The following VEGFC variants were observed in gnomAD, a reference collection of about 807,000 sequenced individuals.
VEGFC encodes FLT4 ligand DHM.
A neutral mutation model predicts 46.1 loss-of-function variants in VEGFC; 12 were observed. That is an observed-to-expected ratio of 0.26 (90% confidence interval 0.17 to 0.42). The LOEUF (loss-of-function observed/expected upper bound fraction) is 0.42. Ranked by LOEUF, VEGFC falls within the 10% of genes least tolerant of loss-of-function variation. The pLI is 1.00. For missense variants in VEGFC, 488 were observed against 529.4 expected (o/e 0.92, Z 0.77); for synonymous variants, 232 against 195.5 (o/e 1.19, Z -1.56).
chr4:176,708,850 T>C (rs1734577152), intron 4 of VEGFC, among the ~76,000 whole-genome samples: 1 of 152,196 alleles, frequency 6.6e-6, no homozygotes, highest in South Asian at 2.1e-4. Context: ...ATGACTACCT[T>C]CTGGATACCA....
chr4:176,688,542 A>G (rs1489649577), intron 4 of VEGFC, among the ~76,000 whole-genome samples: 3 of 152,060 alleles, frequency 2.0e-5, no homozygotes, highest in Non-Finnish European at 4.4e-5. Flanking sequence ...AAAAGTTATC[A>G]AAGATATTTT....
chr4:176,788,873 G>A (rs7669839), intron 1 of VEGFC, among the ~76,000 whole-genome samples: 107,714 of 152,152 alleles, frequency 0.71, 44,125 homozygotes, highest in East Asian at 0.99. Context: ...AAGTCATTCA[G>A]ATCTTGGGTT....
At chr4:176,709,524 A>G (rs1734586960) in intron 4 of VEGFC, among the ~76,000 whole-genome samples, 2 of 152,200 alleles carry the variant, frequency 1.3e-5, no homozygotes, top group Admixed American at 6.6e-5. Flanking sequence ...ATGCAGGAGA[A>G]AGACCTTTAC....
intron 1 of VEGFC, among the ~76,000 whole-genome samples, chr4:176,756,671 G>C (rs979076766): frequency 4.6e-5 from 7 of 152,054 alleles, no homozygotes; most frequent in African/African-American, 1.7e-4. Context: ...TTTTAGTCCA[G>C]ATATGATGGA....
chr4:176,727,960 T>A lies in VEGFC; in HGVS notation c.370A>T (p.Asn124Tyr), dbSNP rs1445992041. 1 of 1,605,760 alleles carries A rather than the reference T, an allele frequency of 6.2e-7. No individual in the cohort carries two copies. The highest frequency in any genetic ancestry group is 1.3e-5 in the African/African-American group (1 of 74,838). ...ATGCATTGAGTCTTTCTCCACTCAT[T>A]ATCAATACCTGTCAAGTCATAGGGA... is the stretch of plus-strand genomic sequence containing the variant. Reference protein sequence around the residue: ...YNTEILKSIDNEWRKTQCMPR... With the variant: ...YNTEILKSIDYEWRKTQCMPR... Residue 124 changes from asparagine to tyrosine, a missense_variant, in exon 3 of 7, where the codon AAT (asparagine) becomes TAT (tyrosine). Asn to Tyr is a moderately radical substitution (Grantham distance 143). Coordinates refer to ENST00000618562, the MANE Select transcript of VEGFC (RefSeq NM_005429.5).
intron 1 of VEGFC, among the ~76,000 whole-genome samples, chr4:176,771,862 T>C (rs971866313): frequency 6.6e-6 from 1 of 152,102 alleles, no homozygotes; most frequent in African/African-American, 2.4e-5. Context: ...CACAGGAAAG[T>C]TGGAATTATG....
chr4:176,729,594 G>A lies in VEGFC; in HGVS notation c.300C>T (p.Asn100=). ...ATTTTATAGTCTCTTCTGTCCTTGAGTTGAGGTTGGCCTGTTCTCTGTTAT... is the reference window on the plus strand; with the variant it reads ...ATTTTATAGTCTCTTCTGTCCTTGAATTGAGGTTGGCCTGTTCTCTGTTAT... ...WQHNREQANL[N]SRTEETIKFA... is the part of the protein sequence containing the mutation. Residue 100 remains asparagine (N), a synonymous_variant, in exon 2 of 7, where the codon AAC becomes AAT. Transcript: ENST00000618562. 1 of 1,613,788 alleles carries A rather than the reference G, an allele frequency of 6.2e-7. No individual in the cohort carries two copies. The highest frequency in any genetic ancestry group is 8.5e-7 in the Non-Finnish European group (1 of 1,179,884).
At chr4:176,790,183 C>T (rs1246818950) in intron 1 of VEGFC, among the ~76,000 whole-genome samples, 1 of 152,150 alleles carries the variant, frequency 6.6e-6, no homozygotes, top group Non-Finnish European at 1.5e-5. Flanking sequence ...TGTCAAGGCT[C>T]TATTCACCCA....
chr4:176,755,884 G>A (rs1209456505), intron 1 of VEGFC, among the ~76,000 whole-genome samples: 1 of 151,982 alleles, frequency 6.6e-6, no homozygotes, highest in Non-Finnish European at 1.5e-5. Flanking sequence ...ATTATTTACT[G>A]TAATGCATTG....
At chr4:176,758,493 C>T (rs1221037346) in intron 1 of VEGFC, among the ~76,000 whole-genome samples, 1 of 152,080 alleles carries the variant, frequency 6.6e-6, no homozygotes, top group African/African-American at 2.4e-5. Context: ...ATCTTGGCAG[C>T]TGGTGCTAGA....
chr4:176,729,072 C>A (rs1426925571), intron 2 of VEGFC, among the ~76,000 whole-genome samples: 1 of 152,108 alleles, frequency 6.6e-6, no homozygotes, highest in South Asian at 2.1e-4. Context: ...TGCTAGATAC[C>A]TCATCAGCTT....
Position 176,792,136 on chromosome 4 carries a change from G to A in VEGFC, c.147+29C>T. 1.4e-6 allele frequency: 2 copies of A among 1,438,712 alleles called. No homozygotes were observed. Among genetic ancestry groups the A allele is most frequent in the Non-Finnish European group, 1.8e-6 (2 of 1,094,096 alleles). 89.1% of individuals were successfully genotyped at this position (1,438,712 alleles called of 1,614,324 possible). A position where few individuals can be genotyped will look rare whatever the true frequency, so the allele number is the denominator to read the frequency against. On this transcript the variant is annotated intron_variant, in intron 1 of 6. Transcript: ENST00000618562. The surrounding 1 kb of genome is among the most constrained non-coding windows in gnomAD (Gnocchi z 6.3). ...CGCAGACCCTAACGCAAACTCTCGG[G>A]TTCTCCGCAAACCCTAACGCAGACC...
intron 1 of VEGFC, among the ~76,000 whole-genome samples, chr4:176,761,758 T>G (rs1735534239): frequency 6.6e-6 from 1 of 152,202 alleles, no homozygotes; most frequent in Non-Finnish European, 1.5e-5. Flanking sequence ...TTGTTAACTT[T>G]ATTATTATAG....
chr4:176,757,360 G>C (rs748991094), intron 1 of VEGFC, among the ~76,000 whole-genome samples: 2 of 151,956 alleles, frequency 1.3e-5, no homozygotes, highest in Non-Finnish European at 2.9e-5. Flanking sequence ...CTAGATCTGT[G>C]ATAAAAGCTT....
chr4:176,727,646 C>T (rs546920507), intron 3 of VEGFC, 132 bp downstream of exon 3: 7 of 743,596 alleles, frequency 9.4e-6, no homozygotes, highest in Non-Finnish European at 1.1e-5. Flanking sequence ...CTTCATTCCC[C>T]TAAAGAAAAT....
intron 4 of VEGFC, among the ~76,000 whole-genome samples, chr4:176,688,535 A>G (rs960789951): frequency 5.3e-5 from 8 of 152,118 alleles, no homozygotes; most frequent in Admixed American, 3.3e-4. Flanking sequence ...TCCCCCAAAA[A>G]GTTATCAAAG....
intron 3 of VEGFC, among the ~76,000 whole-genome samples, chr4:176,716,446 G>A (rs12500029): frequency 0.73 from 110,822 of 151,648 alleles, 44,785 homozygotes; most frequent in East Asian, 0.94. Flanking sequence ...GTGGCGTGGC[G>A]GATGCCTGTA....
At chr4:176,692,037 G>C (rs189632666) in intron 4 of VEGFC, among the ~76,000 whole-genome samples, 33,547 of 149,438 alleles carry the variant, frequency 0.22, 6,832 homozygotes, top group African/African-American at 0.56. Flanking sequence ...AAAGGGGTGA[G>C]GGGCAGCACC....
chr4:176,757,383 T>C (rs1303088113), intron 1 of VEGFC, among the ~76,000 whole-genome samples: 5 of 152,058 alleles, frequency 3.3e-5, no homozygotes, highest in Admixed American at 2.0e-4. Flanking sequence ...AATATCAATA[T>C]GAGAACAACA....
Sources: allele counts gnomAD v4.1 joint callset (sites outside exome capture counted in the v4.1 genomes callset), GRCh38; gene constraint gnomAD v4.1.1; non-coding constraint Gnocchi (gnomAD v3.1); transcripts MANE v1.5; gene names NCBI Gene and HGNC (gene_info 2026-07-23, HGNC 2026-07-21).